Variants in EDEM3 observed in about 807,000 individuals in gnomAD.
EDEM3 encodes the protein ER degradation enhancing alpha-mannosidase like protein 3.
Under a neutral mutation model 110.2 loss-of-function variants are expected in EDEM3, and 60 were observed. The observed-to-expected ratio is 0.54, with a 90% CI of 0.44 to 0.67. The LOEUF (loss-of-function observed/expected upper bound fraction) is 0.67, where lower values mean the gene tolerates loss of function less well. EDEM3 is among the 30% of genes least tolerant of loss of function. The probability of loss-of-function intolerance (pLI) is 0.00; values close to 1 mark genes in which losing one functional copy is unlikely to be tolerated. For synonymous variants in EDEM3, 352 were observed against 382.9 expected, an observed-to-expected ratio of 0.92 and a Z score of 0.94; for missense variants, 996 against 1,121.0, an observed-to-expected ratio of 0.89 and a Z score of 1.59.
intron 15 of EDEM3, among the ~76,000 whole-genome samples, 189 bp from the exon 16 acceptor site, chr1:184,710,736 T>G (rs1558048116): frequency 6.6e-6 from 1 of 152,220 alleles, no homozygotes; most frequent in Non-Finnish European, 1.5e-5. Context: ...AATATAACAT[T>G]TTCTAGTTAT....
At chr1:184,725,300 C>T (rs984113294) in intron 7 of EDEM3, among the ~76,000 whole-genome samples, 3 of 152,122 alleles carry the variant, frequency 2.0e-5, no homozygotes, top group Non-Finnish European at 2.9e-5. Context: ...GCATCATCTA[C>T]CAGCTGTGCA....
At chr1:184,709,893 G>A (rs1283059040) in intron 16 of EDEM3, among the ~76,000 whole-genome samples, 1 of 152,064 alleles carries the variant, frequency 6.6e-6, no homozygotes, top group Non-Finnish European at 1.5e-5. Context: ...AAAACTTTGT[G>A]TTATAAAAAC....
chr1:184,750,236 G>C (rs1338176968), intron 1 of EDEM3, among the ~76,000 whole-genome samples: 1 of 152,178 alleles, frequency 6.6e-6, no homozygotes, highest in Non-Finnish European at 1.5e-5. Flanking sequence ...CTTCCAAAAT[G>C]AGAAAACTAA....
chr1:184,732,372 TAGAC>T (rs1008711883), intron 6 of EDEM3, among the ~76,000 whole-genome samples: 66 of 152,156 alleles, frequency 4.3e-4, no homozygotes, highest in African/African-American at 1.5e-3. Context: ...AGAAACAGGT[TAGAC>T]AGAATGAATA....
rs956622820 is a variant in EDEM3 at position 184,754,743 on chromosome 1, G to C, written c.-97C>G. On this transcript the variant is annotated 5_prime_UTR_variant, in exon 1 of 20. Coordinates refer to ENST00000318130, the MANE Select transcript of EDEM3 (RefSeq NM_025191.4). ...AGGGGGCTGCTAGCCGTGCCGAGAC[G>C]GGGCGGGATGCGGAGTAACACGGAC... 7.1e-7 allele frequency: 1 copy of C among 1,416,512 alleles called. No individual in the cohort carries two copies. Among genetic ancestry groups the C allele is most frequent in the Non-Finnish European group, 9.2e-7 (1 of 1,091,792 alleles). 87.7% of individuals were successfully genotyped at this position (1,416,512 alleles called of 1,614,324 possible).
chr1:184,744,277 T>C (rs940939032), intron 2 of EDEM3, among the ~76,000 whole-genome samples: 5 of 126,008 alleles, frequency 4.0e-5, no homozygotes, highest in African/African-American at 6.3e-5. Context: ...TATATATATA[T>C]ATATATATAT....
chr1:184,726,959 G>A (rs528556616), intron 6 of EDEM3, among the ~76,000 whole-genome samples: 1 of 152,252 alleles, frequency 6.6e-6, no homozygotes, highest in South Asian at 2.1e-4. Flanking sequence ...ACAACACAAG[G>A]GAAATTTTTT....
Position 184,692,736 on chromosome 1 carries a change from T to A in EDEM3, c.*1327A>T, listed in dbSNP as rs566422181. ...AAACATCAACAACAAAATTTAAAAATTTTTAAGACTTAAATGTGGCCAGCA... is the reference window on the plus strand; with the variant it reads ...AAACATCAACAACAAAATTTAAAAAATTTTAAGACTTAAATGTGGCCAGCA... On this transcript the variant is annotated 3_prime_UTR_variant, in exon 20 of 20. Coordinates refer to ENST00000318130, the MANE Select transcript of EDEM3 (RefSeq NM_025191.4). 2.0e-5 allele frequency: 3 copies of A among 149,222 alleles called. No homozygotes were observed. The highest frequency in any genetic ancestry group is 2.1e-4 in the East Asian group (1 of 4,854). 9.2% of individuals were successfully genotyped at this position (149,222 alleles called of 1,614,324 possible). A position where few individuals can be genotyped will look rare whatever the true frequency, so the allele number is the denominator to read the frequency against.
intron 6 of EDEM3, among the ~76,000 whole-genome samples, chr1:184,727,734 T>C (rs746713741): frequency 6.6e-6 from 1 of 152,216 alleles, no homozygotes; most frequent in African/African-American, 2.4e-5. Context: ...TGAGACATTT[T>C]CATGTGCTAT....
In EDEM3 at chr1:184,737,160, T is replaced by C. The variant is rs1248118201; in HGVS notation, c.306-96A>G. 5 of 1,043,086 alleles carry C rather than the reference T, an allele frequency of 4.8e-6. No homozygotes were observed. The East Asian group carries it at 1.2e-4, about 25-fold the overall frequency. 64.6% of individuals were successfully genotyped at this position (1,043,086 alleles called of 1,614,324 possible). On this transcript the variant is annotated intron_variant, in intron 3 of 19. Coordinates refer to ENST00000318130, the MANE Select transcript of EDEM3 (RefSeq NM_025191.4). ...TATCTACATTCTATTGACTGGTAGT[T>C]TCTATAAATTAGTACTTCCATGTAT... is the stretch of plus-strand genomic sequence containing the variant.
At position 184,721,290 on chromosome 1, in the gene EDEM3, G is replaced by A. The variant is rs139183949; in HGVS notation, c.950C>T (p.Thr317Ile). 4.6e-5 allele frequency: 74 copies of A among 1,596,630 alleles called. No individual in the cohort carries two copies. The African/African-American group carries it at 8.8e-4, about 19-fold the overall frequency. ...GDDSFLERFN[T>I]HYDAIMRYIS... ...AAATATAAAATTGTATCAACTTACTGTGTTAAATCTTTCCAGAAAACTGTC... is the reference window on the plus strand; with the variant it reads ...AAATATAAAATTGTATCAACTTACTATGTTAAATCTTTCCAGAAAACTGTC... The change falls in exon 9 of 20, where the codon ACA becomes ATA. Residue 317 changes from threonine to isoleucine, a missense_variant and splice_region_variant. Coordinates refer to ENST00000318130, the MANE Select transcript of EDEM3 (RefSeq NM_025191.4).
Position 184,695,961 on chromosome 1 carries a change from A to G in EDEM3, c.2390-1489T>C, listed in dbSNP as rs146851721. Among the ~76,000 whole-genome samples, 28 of 152,110 alleles carry G rather than the reference A, an allele frequency of 1.8e-4. No homozygotes were observed. In the South Asian group the frequency reaches 3.1e-3, roughly 17 times the overall value. ...CTGAAAGGTCTCAGAAATAAGCCTC[A>G]GAACCAGTCTGTCTCTGACCTTCCC... On this transcript the variant is annotated intron_variant, in intron 19 of 19. Coordinates refer to ENST00000318130, the MANE Select transcript of EDEM3 (RefSeq NM_025191.4).
intron 9 of EDEM3, among the ~76,000 whole-genome samples, chr1:184,720,048 C>T (rs1182699166): frequency 2.0e-5 from 3 of 152,200 alleles, no homozygotes; most frequent in South Asian, 2.1e-4. Flanking sequence ...TTATGGTTTG[C>T]TATCTCAGCT....
At chr1:184,725,916 T>C (rs1202117888) in intron 7 of EDEM3, among the ~76,000 whole-genome samples, 2 of 152,090 alleles carry the variant, frequency 1.3e-5, no homozygotes, top group Non-Finnish European at 2.9e-5. Context: ...AATATGGAAG[T>C]CTAACAAATA....
At chr1:184,736,911 G>C in intron 4 of EDEM3, 114 bp downstream of exon 4, 1 of 833,672 alleles carries the variant, frequency 1.2e-6, no homozygotes, top group Non-Finnish European at 1.9e-6. Flanking sequence ...GCAAAGATCA[G>C]AACATCTTTA....
chr1:184,691,323 T>C lies in EDEM3; in HGVS notation c.*2740A>G, dbSNP rs1479396735. 6.6e-6 allele frequency: 1 copy of C among 152,544 alleles called. No homozygotes were observed. Among genetic ancestry groups the C allele is most frequent in the African/African-American group, 2.4e-5 (1 of 41,456 alleles). The allele number at this position is 152,544 out of a possible 1,614,324, so 9.4% of individuals were successfully genotyped here. A position where few individuals can be genotyped will look rare whatever the true frequency, so the allele number is the denominator to read the frequency against. ...TTATATGCAGAAAAAAACTAGCTAT[T>C]TTATTTTTAGTAGGTAAACAGGTTA... On this transcript the variant is annotated 3_prime_UTR_variant, in exon 20 of 20. Coordinates refer to ENST00000318130, the MANE Select transcript of EDEM3 (RefSeq NM_025191.4).
chr1:184,695,245 G>A (rs893643503), intron 19 of EDEM3, among the ~76,000 whole-genome samples: 1 of 152,020 alleles, frequency 6.6e-6, no homozygotes, highest in Non-Finnish European at 1.5e-5. Flanking sequence ...CTGTGATGCA[G>A]TTGGCCAGCA....
intron 2 of EDEM3, among the ~76,000 whole-genome samples, chr1:184,743,474 AAAAATAAAAT>A (rs148680939): frequency 2.6e-5 from 4 of 152,054 alleles, no homozygotes; most frequent in Non-Finnish European, 5.9e-5. Flanking sequence ...CTGAAAGAGC[AAAAATAAAAT>A]AAAATAAAAT....
At chr1:184,706,141 A>G (rs1365441596) in intron 18 of EDEM3, among the ~76,000 whole-genome samples, 3 of 120,878 alleles carry the variant, frequency 2.5e-5, no homozygotes, top group African/African-American at 5.3e-5. Flanking sequence ...CTATCAAATA[A>G]AAAAAAATTA....
Sources: allele counts gnomAD v4.1 joint callset (sites outside exome capture counted in the v4.1 genomes callset), GRCh38; gene constraint gnomAD v4.1.1; transcripts MANE v1.5; gene names NCBI Gene and HGNC (gene_info 2026-07-23, HGNC 2026-07-21).